Variants in HAS1 observed in about 807,000 individuals in gnomAD.
The protein encoded by HAS1 is hyaluronan synthase 1.
HAS1 carries 27 observed loss-of-function variants against 35.0 expected under a neutral mutation model. The observed-to-expected ratio is 0.77, with a 90% CI of 0.57 to 1.06. The LOEUF (loss-of-function observed/expected upper bound fraction) is 1.06, where lower values mean the gene tolerates loss of function less well. Among genes scored for constraint, HAS1 ranks in the 50% least tolerant of loss-of-function variants. The pLI is 0.00. For missense variants in HAS1, 940 were observed against 814.8 expected (o/e 1.15, Z -1.87); for synonymous variants, 409 against 371.2 (o/e 1.10, Z -1.17).
At position 51,713,531 on chromosome 19, in the gene HAS1, C is replaced by T. The variant is rs754405233; in HGVS notation, c.1630G>A (p.Ala544Thr). The T allele has an allele frequency of 4.7e-5, 75 of 1,594,152 alleles. No homozygotes were observed. Among genetic ancestry groups the T allele is most frequent in the African/African-American group, 6.7e-5 (5 of 74,356 alleles). Reference protein sequence around the residue: ...AAEAYHLAAGAGAYVGYWVAM... With the variant: ...AAEAYHLAAGTGAYVGYWVAM... ...ACCCAGTAGCCCACGTAGGCGCCGG[C>T]CCCCGCGGCCAAGTGGTAGGCCTCG... The change falls in exon 5 of 5, where the codon GCC (alanine) becomes ACC (threonine). Residue 544 changes from alanine (A) to threonine (T), a missense_variant. Physicochemically the swap from Ala to Thr is moderately conservative, Grantham distance 58. Transcript: ENST00000540069. This position sits in a 1 kb window ranked among gnomAD's most constrained non-coding sequence, Gnocchi z 4.5.
intron 3 of HAS1, 144 bp downstream of exon 3, chr19:51,716,824 C>T (rs11084110): frequency 0.71 from 481,208 of 675,066 alleles, 174,180 homozygotes; most frequent in East Asian, 0.9. Flanking sequence ...GCATCCTCAC[C>T]GCCAGCTTCC....
In HAS1 at chr19:51,713,547, G is replaced by A; in HGVS notation, c.1614C>T (p.Tyr538=). The change falls in exon 5 of 5, where the codon TAC becomes TAT. Residue 538 remains tyrosine (Y), a synonymous_variant. Transcript: ENST00000540069. The surrounding 1 kb of genome is among the most constrained non-coding windows in gnomAD (Gnocchi z 4.5). ...WSGPSRAAEA[Y]HLAAGAGAYV... ...AGGCGCCGGCCCCCGCGGCCAAGTGGTAGGCCTCGGCTGCGCGGGAAGGGC... is the reference window on the plus strand; with the variant it reads ...AGGCGCCGGCCCCCGCGGCCAAGTGATAGGCCTCGGCTGCGCGGGAAGGGC... The A allele has an allele frequency of 1.3e-6, 2 of 1,586,274 alleles. No individual in the cohort carries two copies. Among genetic ancestry groups the A allele is most frequent in the Non-Finnish European group, 1.7e-6 (2 of 1,167,272 alleles).
Position 51,719,679 on chromosome 19 carries a change from C to G in HAS1, c.226G>C (p.Glu76Gln). The G allele has an allele frequency of 6.4e-7, 1 of 1,555,214 alleles. No individual in the cohort carries two copies. Among genetic ancestry groups the G allele is most frequent in the East Asian group, 2.4e-5 (1 of 41,114 alleles). The change falls in exon 2 of 5, where the codon GAG becomes CAG. Residue 76 changes from glutamate (E) to glutamine (Q), a missense_variant. Physicochemically the swap from Glu to Gln is conservative, Grantham distance 29. Coordinates refer to ENST00000540069, the MANE Select transcript of HAS1 (RefSeq NM_001297436.2). ...LVAQSLFAYL[E>Q]HRRVAAAARG... ...GCCGCCGCCGCCACCCGCCGGTGCT[C>G]CAGGTACGCGAAGAGGCTCTGCGCC...
chr19:51,715,522 C>CT (rs1279840301), intron 4 of HAS1, among the ~76,000 whole-genome samples: 1 of 152,162 alleles, frequency 6.6e-6, no homozygotes, highest in African/African-American at 2.4e-5. Flanking sequence ...TTATTTATTT[C>CT]TTGTGTGTCT....
chr19:51,714,268 G>T, intron 4 of HAS1, 166 bp from the exon 5 acceptor site: 1 of 1,163,562 alleles, frequency 8.6e-7, no homozygotes, highest in South Asian at 1.5e-5. Context: ...TGGTTCCTAG[G>T]CCTGGACGCG....
rs752565606 is a variant in HAS1 at position 51,713,969 on chromosome 19, C to T, written c.1192G>A (p.Ala398Thr). The change falls in exon 5 of 5, where the codon GCG (alanine) becomes ACG (threonine). Residue 398 changes from alanine (A) to threonine (T), a missense_variant. Physicochemically the swap from Ala to Thr is moderately conservative, Grantham distance 58. Coordinates refer to ENST00000540069, the MANE Select transcript of HAS1 (RefSeq NM_001297436.2). The surrounding 1 kb of genome is among the most constrained non-coding windows in gnomAD (Gnocchi z 4.5). ...ACCACCGCCTCGTAGGTCATCCACG[C>T]ATGGTGCCGGTGCCACCAGAGCGCG... ...YNALWWHRHH[A>T]WMTYEAVVSG... is the part of the protein sequence containing the mutation. The T allele has an allele frequency of 6.2e-7, 1 of 1,613,152 alleles. No individual in the cohort carries two copies. Among genetic ancestry groups the T allele is most frequent in the Non-Finnish European group, 8.5e-7 (1 of 1,180,006 alleles).
rs2083554922 is a variant in HAS1, at chr19:51,713,476, A to G, written c.1685T>C (p.Val562Ala). Residue 562 changes from valine to alanine, a missense_variant, in exon 5 of 5, where the codon GTG (valine) becomes GCG (alanine). Val to Ala is a moderately conservative substitution (Grantham distance 64). Transcript: ENST00000540069. The surrounding 1 kb of genome is among the most constrained non-coding windows in gnomAD (Gnocchi z 4.5). The part of the protein sequence containing the change: ...VAMLTLYWVG[V>A]RRLCRRRTGG... ...GGTCCGCCGCCGGCAAAGCCTCCGC[A>G]CGCCCACCCAGTACAGCGTCAACAT... 1.9e-6 allele frequency: 3 copies of G among 1,570,158 alleles called. No individual in the cohort carries two copies. The highest frequency in any genetic ancestry group is 2.6e-6 in the Non-Finnish European group (3 of 1,158,112).
At position 51,719,509 on chromosome 19, in the gene HAS1, C is replaced by G. The variant is rs1407779447; in HGVS notation, c.396G>C (p.Val132=). The G allele has an allele frequency of 6.5e-7, 1 of 1,550,016 alleles. No individual in the cohort carries two copies. The change falls in exon 2 of 5, where the codon GTG becomes GTC. Residue 132 remains valine, a synonymous_variant. Transcript: ENST00000540069. ...GGTCCTCGGCGCGGTTGCCATCCACCACCATGAGGACGCGCAGCCGCGCGC... is the reference window on the plus strand; with the variant it reads ...GGTCCTCGGCGCGGTTGCCATCCACGACCATGAGGACGCGCAGCCGCGCGC... ...YPRARLRVLM[V]VDGNRAEDLY...
chr19:51,721,980 T>G (rs1043565466), intron 1 of HAS1, among the ~76,000 whole-genome samples: 36 of 152,146 alleles, frequency 2.4e-4, no homozygotes, highest in African/African-American at 8.4e-4. Flanking sequence ...GAGAGGCAAA[T>G]ACTTTTACCC....
intron 1 of HAS1, 126 bp from the exon 2 acceptor site, chr19:51,720,021 C>T: frequency 1.7e-6 from 1 of 596,384 alleles, no homozygotes; most frequent in South Asian, 2.1e-5. Flanking sequence ...TCTCTCTCTC[C>T]CTCCCTCCGT....
intron 1 of HAS1, 178 bp from the exon 2 acceptor site, chr19:51,720,073 GCTGT>G (rs2083619915): frequency 5.6e-6 from 3 of 538,128 alleles, no homozygotes; most frequent in Non-Finnish European, 9.6e-6. Flanking sequence ...TGTCTGTCTC[GCTGT>G]CTCTCTCTCT....
intron 4 of HAS1, among the ~76,000 whole-genome samples, chr19:51,715,048 TAATC>T (rs2083577821): frequency 6.6e-6 from 1 of 152,118 alleles, no homozygotes; most frequent in Non-Finnish European, 1.5e-5. Flanking sequence ...CAGACATCAT[TAATC>T]AATCCCTGCA....
rs2122245169 is a variant in HAS1 at position 51,713,981 on chromosome 19, G to A, written c.1180C>T (p.His394Tyr). ...TAGGTCATCCACGCATGGTGCCGGT[G>A]CCACCAGAGCGCGTTGTACAGCCAC... is the stretch of plus-strand genomic sequence containing the variant. The part of the protein sequence containing the change: ...REWLYNALWW[H>Y]RHHAWMTYEA... Residue 394 changes from histidine (H) to tyrosine (Y), a missense_variant, in exon 5 of 5, where the codon CAC becomes TAC. His to Tyr is a moderately conservative substitution (Grantham distance 83, BLOSUM62 2). Transcript: ENST00000540069. The surrounding 1 kb of genome is among the most constrained non-coding windows in gnomAD (Gnocchi z 4.5). 1 of 1,613,474 alleles carries A rather than the reference G, an allele frequency of 6.2e-7. No homozygotes were observed. Among genetic ancestry groups the A allele is most frequent in the South Asian group, 1.1e-5 (1 of 91,082 alleles).
At position 51,713,442 on chromosome 19, in the gene HAS1, G is replaced by A. The variant is rs749664795; in HGVS notation, c.1719C>T (p.Tyr573=). 3 of 1,534,498 alleles carry A rather than the reference G, an allele frequency of 2.0e-6. No individual in the cohort carries two copies. The highest frequency in any genetic ancestry group is 1.8e-6 in the Non-Finnish European group (2 of 1,139,326). The change falls in exon 5 of 5, where the codon TAC becomes TAT. Residue 573 remains tyrosine, a synonymous_variant. Transcript: ENST00000540069. This position sits in a 1 kb window ranked among gnomAD's most constrained non-coding sequence, Gnocchi z 4.5. ...RRLCRRRTGG[Y]RVQV is the part of the protein sequence containing the mutation. ...GTGGCTGGACTCACACCTGGACGCGGTAGCCCCCGGTCCGCCGCCGGCAAA... is the reference window on the plus strand; with the variant it reads ...GTGGCTGGACTCACACCTGGACGCGATAGCCCCCGGTCCGCCGCCGGCAAA...
At position 51,713,604 on chromosome 19, in the gene HAS1, G is replaced by A; in HGVS notation, c.1557C>T (p.Ser519=). The part of the protein sequence containing the change: ...ALLLLGGLVR[S]VAHEARADWS... The stretch of plus-strand genomic sequence containing the variant: ...AGTCGGCCCTGGCCTCGTGTGCTAC[G>A]CTGCGGACCAGGCCCCCAAGCAGCA... The change falls in exon 5 of 5, where the codon AGC becomes AGT. Residue 519 remains serine, a synonymous_variant. Transcript: ENST00000540069. This position sits in a 1 kb window ranked among gnomAD's most constrained non-coding sequence, Gnocchi z 4.5. 1 of 1,556,688 alleles carries A rather than the reference G, an allele frequency of 6.4e-7. No individual in the cohort carries two copies. The highest frequency in any genetic ancestry group is 8.7e-7 in the Non-Finnish European group (1 of 1,150,312).
Position 51,719,393 on chromosome 19 carries a change from G to A in HAS1, c.512C>T (p.Pro171Leu). The part of the protein sequence containing the change: ...WDGNYHQPWE[P>L]AAAGAVGAGA... The stretch of plus-strand genomic sequence containing the variant: ...GGCGCCCACCGCGCCCGCCGCCGCG[G>A]GTTCCCAGGGCTGGTGGTAGTTGCC... Residue 171 changes from proline (P) to leucine (L), a missense_variant, in exon 2 of 5, where the codon CCC becomes CTC. Transcript: ENST00000540069. 2 of 1,576,580 alleles carry A rather than the reference G, an allele frequency of 1.3e-6. No homozygotes were observed. Among genetic ancestry groups the A allele is most frequent in the Admixed American group, 1.9e-5 (1 of 53,736 alleles).
Position 51,717,167 on chromosome 19 carries a change from G to C in HAS1, c.726C>G (p.Asp242Glu). The change falls in exon 3 of 5, where the codon GAC (aspartate) becomes GAG (glutamate). Residue 242 changes from aspartate (D) to glutamate (E), a missense_variant. Physicochemically the swap from Asp to Glu is conservative, Grantham distance 45. Transcript: ENST00000540069. ...VQVCDSDTRL[D>E]PMALLELVRV... ...GCACGAGCTCCAGCAGTGCCATGGG[G>C]TCCAACCTTGTGTCCGAGTCACAGA... 1 of 1,613,262 alleles carries C rather than the reference G, an allele frequency of 6.2e-7. No homozygotes were observed. The highest frequency in any genetic ancestry group is 8.5e-7 in the Non-Finnish European group (1 of 1,179,646).
In HAS1 at chr19:51,716,980, T is replaced by C. The variant is rs2083590794; in HGVS notation, c.913A>G (p.Ser305Gly). ...TGCCCCTGCTTACCTAGAGGACCGC[T>C]GATGCAGGATACACAGTGGAAGTAG... is the stretch of plus-strand genomic sequence containing the variant. Reference protein sequence around the residue: ...QSYFHCVSCISGPLGLYRNNL... With the variant: ...QSYFHCVSCIGGPLGLYRNNL... Residue 305 changes from serine to glycine, a missense_variant, in exon 3 of 5, where the codon AGC (serine) becomes GGC (glycine). Physicochemically the swap from Ser to Gly is moderately conservative, Grantham distance 56. Transcript: ENST00000540069. 1 of 1,611,426 alleles carries C rather than the reference T, an allele frequency of 6.2e-7. No individual in the cohort carries two copies. The highest frequency in any genetic ancestry group is 1.7e-5 in the Admixed American group (1 of 59,996).
At position 51,714,523 on chromosome 19, in the gene HAS1, T is replaced by TAAAA. The variant is rs1192483861; in HGVS notation, c.1059-425_1059-422dup. Among the ~76,000 whole-genome samples the TAAAA allele has an allele frequency of 3.8e-3, 324 of 85,836 alleles. 1 individual carries two copies. The highest frequency in any genetic ancestry group is 6.9e-3 in the South Asian group (15 of 2,160). 56.3% of individuals were successfully genotyped at this position (85,836 alleles called of 152,430 possible). On this transcript the variant is annotated intron_variant, in intron 4 of 4. Transcript: ENST00000540069. Reference sequence around the variant, plus strand: ...AGGCAACATAGTGAGACCCCATCTCTAAAAAAAAAAAAAAAAAAAAAAAAT... The same window carrying TAAAA: ...AGGCAACATAGTGAGACCCCATCTCTAAAAAAAAAAAAAAAAAAAAAAAAAAAAT...
Sources: gnomAD v4.1 joint callset for allele counts (sites outside exome capture counted in the v4.1 genomes callset) on GRCh38, gnomAD v4.1.1 for gene constraint, Gnocchi (gnomAD v3.1) non-coding constraint, MANE v1.5 for transcripts, NCBI Gene and HGNC (gene_info 2026-07-23, HGNC 2026-07-21) for gene names.